SULT2B1: variants seen among roughly 807,000 people sequenced by gnomAD.
SULT2B1 encodes sulfotransferase family 2B member 1.
SULT2B1 carries 16 observed loss-of-function variants against 33.2 expected under a neutral mutation model. The ratio of observed to expected loss-of-function variants is 0.48; its 90% confidence interval spans 0.33 to 0.73. The LOEUF (loss-of-function observed/expected upper bound fraction) is 0.73. SULT2B1 is among the 30% of genes least tolerant of loss of function. The pLI is 0.02. For synonymous variants in SULT2B1, 186 were observed against 200.5 expected (o/e 0.93, Z 0.61); for missense variants, 500 against 506.0 (o/e 0.99, Z 0.11).
chr19:48,573,708 C>T (rs1193660729), intron 1 of SULT2B1, among the ~76,000 whole-genome samples: 2 of 152,192 alleles, frequency 1.3e-5, no homozygotes, highest in Admixed American at 6.6e-5. Context: ...GGCTGAGAGG[C>T]CACCACAGCT....
Position 48,563,029 on chromosome 19 carries a change from G to A in SULT2B1, c.71+10706G>A, listed in dbSNP as rs1601088935. ...GCAGGAATTGGCAAGAAAAAAAAAA[G>A]TTAAGCGGGAACTTTCCCTATCAGA... On this transcript the variant is annotated intron_variant, in intron 1 of 6. Coordinates refer to ENST00000201586, the MANE Select transcript of SULT2B1 (RefSeq NM_177973.2). Among the ~76,000 whole-genome samples the A allele has an allele frequency of 2.6e-5, 4 of 152,044 alleles. No individual in the cohort carries two copies. In the Middle Eastern group the frequency reaches 0.01, roughly 388 times the overall value.
At chr19:48,556,824 C>T (rs1448655794) in intron 1 of SULT2B1, among the ~76,000 whole-genome samples, 1 of 151,704 alleles carries the variant, frequency 6.6e-6, no homozygotes, top group Non-Finnish European at 1.5e-5. Flanking sequence ...GTGCCACACA[C>T]CTGTAATCTC....
At position 48,599,411 on chromosome 19, in the gene SULT2B1, C is replaced by T. The variant is rs374493691; in HGVS notation, c.*5C>T. 8 of 1,550,110 alleles carry T rather than the reference C, an allele frequency of 5.2e-6. No homozygotes were observed. The highest frequency in any genetic ancestry group is 1.4e-5 in the African/African-American group (1 of 73,070). ...CCGCACCCACGACCCTCATAATAAA[C>T]ACGTCGATTCTGTCCAGGTTCCTTG... On this transcript the variant is annotated 3_prime_UTR_variant, in exon 7 of 7. Transcript: ENST00000201586. The surrounding 1 kb of genome is among the most constrained non-coding windows in gnomAD (Gnocchi z 4.1).
intron 1 of SULT2B1, among the ~76,000 whole-genome samples, chr19:48,560,112 G>A (rs536554489): frequency 2.6e-5 from 4 of 152,244 alleles, no homozygotes; most frequent in Middle Eastern, 3.4e-3. Flanking sequence ...GGCAATGACC[G>A]GGGAAGGGCC....
At chr19:48,594,262 G>GAAAAAC (rs921663084) in intron 5 of SULT2B1, among the ~76,000 whole-genome samples, 19 of 151,986 alleles carry the variant, frequency 1.3e-4, no homozygotes, top group Non-Finnish European at 2.6e-4. Context: ...TCTGTCTCCA[G>GAAAAAC]AAAAACAAAA....
intron 2 of SULT2B1, among the ~76,000 whole-genome samples, chr19:48,579,959 T>G (rs1451616525): frequency 6.6e-6 from 1 of 152,018 alleles, no homozygotes; most frequent in Admixed American, 6.6e-5. Context: ...GGTCTCGATC[T>G]TTCGCTCAGG....
At chr19:48,588,209 C>CAAAAAAA (rs36003772) in intron 3 of SULT2B1, among the ~76,000 whole-genome samples, 1 of 116,082 alleles carries the variant, frequency 8.6e-6, no homozygotes, top group African/African-American at 3.2e-5. Flanking sequence ...GATTTCATCT[C>CAAAAAAA]AAAAAAAAAA....
chr19:48,597,654 C>CTTT (rs372246428), intron 6 of SULT2B1, among the ~76,000 whole-genome samples: 5 of 124,220 alleles, frequency 4.0e-5, no homozygotes, highest in Non-Finnish European at 6.5e-5. Context: ...TTTCTTTTTT[C>CTTT]TTTTTTGAGA....
chr19:48,555,589 T>TCTCTCTCTCTC (rs58997933), intron 1 of SULT2B1, among the ~76,000 whole-genome samples: 21 of 146,426 alleles, frequency 1.4e-4, no homozygotes, highest in African/African-American at 2.6e-4. Flanking sequence ...TCTCTCTCTC[T>TCTCTCTCTCTC]TTTGAGACAG....
intron 1 of SULT2B1, among the ~76,000 whole-genome samples, chr19:48,573,354 C>T (rs1158244416): frequency 6.6e-6 from 1 of 152,000 alleles, no homozygotes; most frequent in Non-Finnish European, 1.5e-5. Context: ...CGAGCGATAT[C>T]AGCACGCCAG....
rs553177430 is a variant in SULT2B1, at chr19:48,596,644, C to A, written c.646-95C>A. On this transcript the variant is annotated intron_variant, in intron 5 of 6. Coordinates refer to ENST00000201586, the MANE Select transcript of SULT2B1 (RefSeq NM_177973.2). ...CAAAGAGGCAGCGTCCCTCAGGCAG[C>A]CCCAGGTTAGGACCCAGACATGCGG... 4.4e-4 allele frequency: 592 copies of A among 1,347,754 alleles called. 3 individuals are homozygous for A. The African/African-American group carries it at 7.8e-3, about 18-fold the overall frequency. 83.5% of individuals were successfully genotyped at this position (1,347,754 alleles called of 1,614,324 possible). A position where few individuals can be genotyped will look rare whatever the true frequency, so the allele number is the denominator to read the frequency against.
intron 5 of SULT2B1, chr19:48,596,367 C>T (rs567569201): frequency 7.3e-5 from 15 of 204,876 alleles, no homozygotes; most frequent in Admixed American, 4.0e-4. Context: ...CTGTCTCTAA[C>T]CTGAAGGAGG....
intron 1 of SULT2B1, among the ~76,000 whole-genome samples, chr19:48,561,377 C>G (rs1328209224): frequency 6.8e-6 from 1 of 147,958 alleles, no homozygotes; most frequent in Non-Finnish European, 1.5e-5. Flanking sequence ...TGCAGTGAGC[C>G]GAGATCGTGC....
chr19:48,556,802 T>A (rs1445274135), intron 1 of SULT2B1, among the ~76,000 whole-genome samples: 1 of 149,056 alleles, frequency 6.7e-6, no homozygotes, highest in African/African-American at 2.5e-5. Context: ...AATAAAAAAA[T>A]TAGCCAGAGT....
chr19:48,569,377 T>A (rs1378519351), intron 1 of SULT2B1, among the ~76,000 whole-genome samples: 11 of 15,478 alleles, frequency 7.1e-4, no homozygotes, highest in South Asian at 5.2e-3. Context: ...TATATATATA[T>A]ATATATATAT....
chr19:48,574,127 G>A (rs1331710562), intron 1 of SULT2B1, among the ~76,000 whole-genome samples: 1 of 152,210 alleles, frequency 6.6e-6, no homozygotes, highest in African/African-American at 2.4e-5. Flanking sequence ...CTCCCAAAGT[G>A]CTGGGACTAC....
chr19:48,584,869 G>A (rs1006323777), intron 2 of SULT2B1, among the ~76,000 whole-genome samples: 1 of 152,070 alleles, frequency 6.6e-6, no homozygotes, highest in Non-Finnish European at 1.5e-5. Context: ...TGGCCAACAT[G>A]GCAAAACCCC....
chr19:48,597,286 T>A (rs1166114106), intron 6 of SULT2B1, among the ~76,000 whole-genome samples: 2 of 151,484 alleles, frequency 1.3e-5, no homozygotes, highest in Non-Finnish European at 2.9e-5. Flanking sequence ...TGTTTCCTCT[T>A]CCTGCTGTAA....
chr19:48,586,836 C>T (rs902833576), intron 2 of SULT2B1, among the ~76,000 whole-genome samples: 3 of 152,114 alleles, frequency 2.0e-5, no homozygotes, highest in Non-Finnish European at 4.4e-5. Flanking sequence ...TCAGGCAGGG[C>T]GTGGTGGCTC....
Sources: gnomAD v4.1 joint callset for allele counts (sites outside exome capture counted in the v4.1 genomes callset) on GRCh38, gnomAD v4.1.1 for gene constraint, Gnocchi (gnomAD v3.1) non-coding constraint, MANE v1.5 for transcripts, NCBI Gene and HGNC (gene_info 2026-07-23, HGNC 2026-07-21) for gene names.